GUCY1A2: variants seen among roughly 807,000 people sequenced by gnomAD.
GUCY1A2 encodes the protein guanylate cyclase 1 soluble subunit alpha 2.
In GUCY1A2, 27 loss-of-function variants were observed where a neutral mutation model predicts 63.5. The ratio of observed to expected loss-of-function variants is 0.43; its 90% CI spans 0.31 to 0.59. The LOEUF (loss-of-function observed/expected upper bound fraction) is 0.59, where lower values mean the gene tolerates loss of function less well. GUCY1A2 is among the 20% of genes least tolerant of loss of function. The pLI, the probability that GUCY1A2 is intolerant of heterozygous loss-of-function variation, is 0.11. For synonymous variants in GUCY1A2, 364 were observed against 343.5 expected, an observed-to-expected ratio of 1.06 and a Z score of -0.66; for missense variants, 768 against 913.3, an observed-to-expected ratio of 0.84 and a Z score of 2.05.
chr11:107,016,055 A>G (rs1361631670), intron 1 of GUCY1A2, among the ~76,000 whole-genome samples: 1 of 152,230 alleles, frequency 6.6e-6, no homozygotes, highest in Non-Finnish European at 1.5e-5. Flanking sequence ...GAAAAAAATC[A>G]TTCTCCATTA....
chr11:106,997,984 T>C (rs1440077857), intron 1 of GUCY1A2, among the ~76,000 whole-genome samples: 2 of 152,070 alleles, frequency 1.3e-5, no homozygotes, highest in East Asian at 3.9e-4. Context: ...AAGAAAAAAA[T>C]AAAGTGATGT....
chr11:106,740,198 C>A (rs1043894967), intron 6 of GUCY1A2, among the ~76,000 whole-genome samples: 3 of 151,832 alleles, frequency 2.0e-5, no homozygotes, highest in African/African-American at 7.3e-5. Context: ...CGGAGTTTTA[C>A]CATGTTGGTC....
intron 4 of GUCY1A2, among the ~76,000 whole-genome samples, chr11:106,875,098 T>C (rs2135466973): frequency 6.6e-6 from 1 of 152,264 alleles, no homozygotes; most frequent in South Asian, 2.1e-4. Flanking sequence ...CAGGTTTTTG[T>C]CCCCATTATG....
intron 4 of GUCY1A2, among the ~76,000 whole-genome samples, chr11:106,855,947 A>G: frequency 6.9e-6 from 1 of 145,364 alleles, no homozygotes; most frequent in East Asian, 2.0e-4. Flanking sequence ...ATTTTTGGTG[A>G]CAGGGTCTCA....
chr11:106,998,021 TA>T (rs553361786), intron 1 of GUCY1A2, among the ~76,000 whole-genome samples: 3 of 151,922 alleles, frequency 2.0e-5, no homozygotes, highest in African/African-American at 7.3e-5. Context: ...CTTTAGGTGT[TA>T]AAAAAAACAG....
Position 106,870,674 on chromosome 11 carries a change from T to C in GUCY1A2, c.1207-60196A>G, listed in dbSNP as rs75191400. On this transcript the variant is annotated intron_variant, in intron 4 of 7. Coordinates refer to ENST00000526355, the MANE Select transcript of GUCY1A2 (RefSeq NM_000855.3). ...TCCAAGATCTCTCAATAAACAGCTC[T>C]GGATAACTTTTCCAGCCTTCTCTCT... 2.8e-3 allele frequency among the ~76,000 whole-genome samples: 427 copies of C among 152,242 alleles called. 2 individuals are homozygous for C. The East Asian group carries it at 0.03, about 11-fold the overall frequency.
At chr11:106,745,132 A>G (rs765141479) in intron 6 of GUCY1A2, among the ~76,000 whole-genome samples, 5 of 152,232 alleles carry the variant, frequency 3.3e-5, no homozygotes, top group Non-Finnish European at 7.3e-5. Flanking sequence ...ACGATTTGCC[A>G]TGGTTTATCC....
chr11:106,895,295 C>T (rs1860031285), intron 4 of GUCY1A2, among the ~76,000 whole-genome samples: 1 of 152,112 alleles, frequency 6.6e-6, no homozygotes, highest in African/African-American at 2.4e-5. Flanking sequence ...CTAGTGAATT[C>T]TACCAAACAT....
intron 6 of GUCY1A2, among the ~76,000 whole-genome samples, chr11:106,734,840 T>C (rs982346953): frequency 1.3e-5 from 2 of 152,130 alleles, no homozygotes; most frequent in African/African-American, 4.8e-5. Context: ...AGCAAAAGAA[T>C]GTTTGCAATC....
At position 106,682,966 on chromosome 11, in the gene GUCY1A2, C is replaced by G; in HGVS notation, c.*4583G>C. The G allele has an allele frequency of 4.6e-6, 1 of 215,668 alleles. No homozygotes were observed. The highest frequency in any genetic ancestry group is 6.8e-5 in the East Asian group (1 of 14,658). 13.4% of individuals were successfully genotyped at this position (215,668 alleles called of 1,614,324 possible). A position where few individuals can be genotyped will look rare whatever the true frequency, so the allele number is the denominator to read the frequency against. ...TCTGTATGTAATATCAGTGTCTGCT[C>G]TTCATTCACCACTACGAGGATCTTG... On this transcript the variant is annotated 3_prime_UTR_variant, in exon 8 of 8. Coordinates refer to ENST00000526355, the MANE Select transcript of GUCY1A2 (RefSeq NM_000855.3).
chr11:106,882,321 A>G (rs1307933813), intron 4 of GUCY1A2, among the ~76,000 whole-genome samples: 1 of 152,028 alleles, frequency 6.6e-6, no homozygotes, highest in Non-Finnish European at 1.5e-5. Flanking sequence ...GACTTACATT[A>G]TGCAAAATGG....
At chr11:107,017,674 C>T (rs1861842532) in intron 1 of GUCY1A2, 79 bp downstream of exon 1, 3 of 856,300 alleles carry the variant, frequency 3.5e-6, no homozygotes, top group East Asian at 3.6e-5. Context: ...TGCGCTCGCG[C>T]CCCGGCTCGC....
intron 4 of GUCY1A2, among the ~76,000 whole-genome samples, chr11:106,893,660 A>G (rs1265786645): frequency 1.3e-5 from 2 of 152,200 alleles, no homozygotes; most frequent in African/African-American, 4.8e-5. Flanking sequence ...TCTATAAGAG[A>G]AATGATGTCA....
In GUCY1A2 at chr11:106,890,915, T is replaced by C. The variant is rs143214775; in HGVS notation, c.1206+48545A>G. ...TTGGGTGGTTTCCTGGTTTGGGAAG[T>C]TATTCATAAAGCTGTTAGAAATATT... On this transcript the variant is annotated intron_variant, in intron 4 of 7. Transcript: ENST00000526355. 3.6e-3 allele frequency among the ~76,000 whole-genome samples: 544 copies of C among 152,302 alleles called. 5 individuals are homozygous for C. The highest frequency in any genetic ancestry group is 0.012 in the African/African-American group (507 of 41,568).
At chr11:107,009,609 C>CA (rs1290235442) in intron 1 of GUCY1A2, among the ~76,000 whole-genome samples, 4 of 152,234 alleles carry the variant, frequency 2.6e-5, no homozygotes, top group African/African-American at 9.6e-5. Context: ...GGGCAGAGTC[C>CA]ACAGATAATT....
At chr11:106,891,639 C>T (rs561318734) in intron 4 of GUCY1A2, among the ~76,000 whole-genome samples, 1 of 151,988 alleles carries the variant, frequency 6.6e-6, no homozygotes, top group Non-Finnish European at 1.5e-5. Flanking sequence ...CATATAAATA[C>T]TCAGTTACTG....
intron 4 of GUCY1A2, among the ~76,000 whole-genome samples, chr11:106,909,960 C>A (rs1404088757): frequency 1.3e-5 from 2 of 151,914 alleles, no homozygotes; most frequent in African/African-American, 4.8e-5. Context: ...GGCATAAATT[C>A]TTTGAAAATC....
chr11:106,887,092 GAC>G, intron 4 of GUCY1A2, among the ~76,000 whole-genome samples: 1 of 152,010 alleles, frequency 6.6e-6, no homozygotes, highest in Non-Finnish European at 1.5e-5. Flanking sequence ...GTCTTTCCAT[GAC>G]ACTCTTCCAC....
chr11:106,759,523 A>T (rs908023803), intron 6 of GUCY1A2, among the ~76,000 whole-genome samples: 2 of 152,242 alleles, frequency 1.3e-5, no homozygotes, highest in African/African-American at 4.8e-5. Context: ...CTCAGAATTT[A>T]ACATTAATTA....
Sources: allele counts gnomAD v4.1 joint callset (sites outside exome capture counted in the v4.1 genomes callset), GRCh38; gene constraint gnomAD v4.1.1; transcripts MANE v1.5; gene names NCBI Gene and HGNC (gene_info 2026-07-23, HGNC 2026-07-21).